CD28: variants seen among roughly 807,000 people sequenced by gnomAD.
CD28 encodes the protein T-cell-specific surface glycoprotein CD28.
Under a neutral mutation model 21.4 loss-of-function variants are expected in CD28, and 8 were observed. The observed-to-expected ratio is 0.37, with a 90% CI of 0.22 to 0.68. The LOEUF is 0.68. Among genes scored for constraint, CD28 ranks in the 30% least tolerant of loss-of-function variants. CD28 has a pLI of 0.55. For missense variants in CD28, 239 were observed against 272.2 expected, an observed-to-expected ratio of 0.88 and a Z score of 0.86; for synonymous variants, 106 against 104.0, an observed-to-expected ratio of 1.02 and a Z score of -0.12.
chr2:203,735,088 A>C lies in CD28; in HGVS notation c.*176A>C, dbSNP rs80306002. 1,049 of 686,132 alleles carry C rather than the reference A, an allele frequency of 1.5e-3. 6 individuals carry two copies. The African/African-American group carries it at 0.017, about 11-fold the overall frequency. 42.5% of individuals were successfully genotyped at this position (686,132 alleles called of 1,614,324 possible). ...TATCAAGATCATTTTGAGACTCTGA[A>C]ATGAAGTAAAAGAGATTTCCTGTGA... On this transcript the variant is annotated 3_prime_UTR_variant, in exon 4 of 4. Transcript: ENST00000324106.
Position 203,735,269 on chromosome 2 carries a change from T to G in CD28, c.*357T>G, listed in dbSNP as rs200364827. On this transcript the variant is annotated 3_prime_UTR_variant, in exon 4 of 4. Transcript: ENST00000324106. ...CACATCTCAGTCAAGCAAAGTGTGGTATCCACAGACATTTTAGTTGCAGAA... is the reference window on the plus strand; with the variant it reads ...CACATCTCAGTCAAGCAAAGTGTGGGATCCACAGACATTTTAGTTGCAGAA... 25 of 223,162 alleles carry G rather than the reference T, an allele frequency of 1.1e-4. No homozygotes were observed. The highest frequency in any genetic ancestry group is 1.9e-4 in the Non-Finnish European group (22 of 113,908). The allele number at this position is 223,162 out of a possible 1,614,324, so 13.8% of individuals were successfully genotyped here.
chr2:203,713,892 T>G (rs1318351843), intron 1 of CD28, among the ~76,000 whole-genome samples: 1 of 146,862 alleles, frequency 6.8e-6, no homozygotes, highest in African/African-American at 2.6e-5. Context: ...AGAGAGAGTG[T>G]GTGTGTGTGT....
intron 1 of CD28, among the ~76,000 whole-genome samples, chr2:203,714,259 C>A (rs1009889449): frequency 6.6e-6 from 1 of 152,094 alleles, no homozygotes; most frequent in African/African-American, 2.4e-5. Context: ...AGACTTTGCC[C>A]ATGTGTACTT....
At chr2:203,734,582 T>G (rs1300577634) in intron 3 of CD28, among the ~76,000 whole-genome samples, 2 of 152,204 alleles carry the variant, frequency 1.3e-5, no homozygotes, top group Non-Finnish European at 2.9e-5. Context: ...CTAAAATACT[T>G]TCTTTGAGAT....
At chr2:203,731,654 A>G (rs1174559046) in intron 3 of CD28, among the ~76,000 whole-genome samples, 2 of 152,090 alleles carry the variant, frequency 1.3e-5, no homozygotes, top group Non-Finnish European at 2.9e-5. Context: ...TGAGACATCA[A>G]TTTGTTGAGT....
intron 1 of CD28, among the ~76,000 whole-genome samples, chr2:203,709,598 A>G (rs1225735670): frequency 6.6e-6 from 1 of 152,216 alleles, no homozygotes; most frequent in Non-Finnish European, 1.5e-5. Flanking sequence ...CTAGACTCGG[A>G]TAATTGTGCA....
At chr2:203,726,097 G>A (rs752299505) in intron 1 of CD28, among the ~76,000 whole-genome samples, 1 of 152,096 alleles carries the variant, frequency 6.6e-6, no homozygotes, top group Non-Finnish European at 1.5e-5. Context: ...TGTAATCCCA[G>A]CTACTTAAGA....
At position 203,727,133 on chromosome 2, in the gene CD28, T is replaced by A. The variant is rs571061874; in HGVS notation, c.409+144T>A. 2.2e-4 allele frequency: 136 copies of A among 623,532 alleles called. No homozygotes were observed. In the African/African-American group the frequency reaches 2.2e-3, roughly 10 times the overall value. 38.6% of individuals were successfully genotyped at this position (623,532 alleles called of 1,614,324 possible). A position where few individuals can be genotyped will look rare whatever the true frequency, so the allele number is the denominator to read the frequency against. ...AAGACAAATAATGTTTTCAGAAAAA[T>A]TTTTCCCTTTACTGTAGAGGAGATT... On this transcript the variant is annotated intron_variant, in intron 2 of 3. Transcript: ENST00000324106.
chr2:203,710,168 G>C (rs182742971), intron 1 of CD28, among the ~76,000 whole-genome samples: 1 of 152,204 alleles, frequency 6.6e-6, no homozygotes, highest in East Asian at 1.9e-4. Flanking sequence ...GTATTTACAT[G>C]ACTTCCAATA....
intron 1 of CD28, among the ~76,000 whole-genome samples, chr2:203,724,794 A>T (rs116609558): frequency 6.6e-6 from 1 of 152,248 alleles, no homozygotes; most frequent in African/African-American, 2.4e-5. Flanking sequence ...ATTCAAATTC[A>T]GTTAAATTGT....
rs1694056832 is a variant in CD28 at position 203,737,062 on chromosome 2, GT to G, written c.*2153del. On this transcript the variant is annotated 3_prime_UTR_variant, in exon 4 of 4. Transcript: ENST00000324106. Reference sequence around the variant, plus strand: ...ACCTTTTAACTTCCATCATTTTCCTGTTTCTTGAAATAGTTTATCTTGTAAT... The same window carrying G: ...ACCTTTTAACTTCCATCATTTTCCTGTTCTTGAAATAGTTTATCTTGTAAT... 1 of 152,080 alleles carries G rather than the reference GT, an allele frequency of 6.6e-6. No individual in the cohort carries two copies. The highest frequency in any genetic ancestry group is 1.5e-5 in the Non-Finnish European group (1 of 68,010). 9.4% of individuals were successfully genotyped at this position (152,080 alleles called of 1,614,324 possible). A position where few individuals can be genotyped will look rare whatever the true frequency, so the allele number is the denominator to read the frequency against.
At position 203,737,263 on chromosome 2, in the gene CD28, A is replaced by G. The variant is rs916572468; in HGVS notation, c.*2351A>G. 6.6e-6 allele frequency: 1 copy of G among 152,194 alleles called. No homozygotes were observed. Among genetic ancestry groups the G allele is most frequent in the African/African-American group, 2.4e-5 (1 of 41,458 alleles). The allele number at this position is 152,194 out of a possible 1,614,324, so 9.4% of individuals were successfully genotyped here. A position where few individuals can be genotyped will look rare whatever the true frequency, so the allele number is the denominator to read the frequency against. ...GATTTAATCAGTCCCAAGAAGATCA[A>G]ACTCAGCAGTACTTGGGTGCTGAAG... On this transcript the variant is annotated 3_prime_UTR_variant, in exon 4 of 4. Transcript: ENST00000324106.
At chr2:203,718,597 C>T (rs1198610101) in intron 1 of CD28, among the ~76,000 whole-genome samples, 1 of 152,176 alleles carries the variant, frequency 6.6e-6, no homozygotes, top group Non-Finnish European at 1.5e-5. Context: ...AAAAGAAAGT[C>T]AGACTATGAT....
chr2:203,729,924 T>TATC, intron 3 of CD28, 152 bp downstream of exon 3: 1 of 786,976 alleles, frequency 1.3e-6, no homozygotes, highest in South Asian at 1.9e-5. Flanking sequence ...TTTTAGCTTG[T>TATC]TCAACTCTAT....
At chr2:203,709,103 C>G (rs926318166) in intron 1 of CD28, among the ~76,000 whole-genome samples, 3 of 141,060 alleles carry the variant, frequency 2.1e-5, no homozygotes, top group African/African-American at 7.9e-5. Flanking sequence ...GCCTGGGAAA[C>G]AGTCTCAAAA....
In CD28 at chr2:203,726,778, T is replaced by C. The variant is rs1693764528; in HGVS notation, c.198T>C (p.Cys66=). 6.2e-7 allele frequency: 1 copy of C among 1,614,128 alleles called. No individual in the cohort carries two copies. The highest frequency in any genetic ancestry group is 1.1e-5 in the South Asian group (1 of 91,076). The change falls in exon 2 of 4, where the codon TGT becomes TGC. Residue 66 remains cysteine, a synonymous_variant. Coordinates refer to ENST00000324106, the MANE Select transcript of CD28 (RefSeq NM_006139.4). ...GACTGGATAGTGCTGTGGAAGTCTG[T>C]GTTGTATATGGGAATTACTCCCAGC... ...HKGLDSAVEV[C]VVYGNYSQQL...
chr2:203,729,910 T>C lies in CD28; in HGVS notation c.534+138T>C, dbSNP rs1262989569. On this transcript the variant is annotated intron_variant, in intron 3 of 3. Transcript: ENST00000324106. The stretch of plus-strand genomic sequence containing the variant: ...TTCTTTTCCCCATGCTTGAGTAGGT[T>C]CTCTTTTAGCTTGTTCAACTCTATC... The C allele has an allele frequency of 1.0e-5, 9 of 865,004 alleles. No homozygotes were observed. In the Admixed American group the frequency reaches 2.3e-4, roughly 22 times the overall value. The allele number at this position is 865,004 out of a possible 1,614,324, so 53.6% of individuals were successfully genotyped here.
rs537480525 is a variant in CD28 at position 203,726,289 on chromosome 2, G to A, written c.53-344G>A. On this transcript the variant is annotated intron_variant, in intron 1 of 3. Transcript: ENST00000324106. ...AAGCCACCTCCAAATATATCACTCA[G>A]TCAGGAAATTGGCCCAATGCATGAT... 1.5e-4 allele frequency among the ~76,000 whole-genome samples: 23 copies of A among 152,112 alleles called. 1 individual carries two copies. The highest frequency in any genetic ancestry group is 7.4e-5 in the Non-Finnish European group (5 of 68,016).
In CD28 at chr2:203,726,639, A is replaced by T. The variant is rs781492330; in HGVS notation, c.59A>T (p.Lys20Met). 6.2e-7 allele frequency: 1 copy of T among 1,600,878 alleles called. No individual in the cohort carries two copies. Among genetic ancestry groups the T allele is most frequent in the Non-Finnish European group, 8.5e-7 (1 of 1,172,304 alleles). Residue 20 changes from lysine (K) to methionine (M), a missense_variant, in exon 2 of 4, where the codon AAG becomes ATG. This residue lies in a region of CD28 where 104 missense variants were observed against 108.5 expected (regional missense o/e 0.96). Coordinates refer to ENST00000324106, the MANE Select transcript of CD28 (RefSeq NM_006139.4). ...TGATTTTTTTTTCCCCCAGGAAACA[A>T]GATTTTGGTGAAGCAGTCGCCCATG... ...LFPSIQVTGN[K>M]ILVKQSPMLV...
Sources: gnomAD v4.1 joint callset for allele counts (sites outside exome capture counted in the v4.1 genomes callset) on GRCh38, gnomAD v4.1.1 for gene constraint, gnomAD v4.1.1 regional missense constraint, MANE v1.5 for transcripts, NCBI Gene and HGNC (gene_info 2026-07-23, HGNC 2026-07-21) for gene names.